PTPRK: variants seen among roughly 807,000 people sequenced by gnomAD.
PTPRK encodes the protein receptor-type tyrosine-protein phosphatase kappa.
PTPRK carries 75 observed loss-of-function variants against 178.0 expected under a neutral mutation model. That is an observed-to-expected ratio of 0.42 (90% CI 0.35 to 0.51). PTPRK has a LOEUF of 0.51. Among genes scored for constraint, PTPRK ranks in the 20% least tolerant of loss-of-function variants. The pLI is 0.02. For synonymous variants in PTPRK, 637 were observed against 620.6 expected (o/e 1.03, Z -0.39); for missense variants, 1,441 against 1,797.8 (o/e 0.80, Z 3.59).
At chr6:128,426,681 T>TG (rs1228747072) in intron 1 of PTPRK, among the ~76,000 whole-genome samples, 1 of 152,240 alleles carries the variant, frequency 6.6e-6, no homozygotes, top group Non-Finnish European at 1.5e-5. Context: ...ACTGAACATC[T>TG]GGTCACTTAT....
chr6:128,093,617 A>C (rs1457001599), intron 7 of PTPRK, among the ~76,000 whole-genome samples: 1 of 148,872 alleles, frequency 6.7e-6, no homozygotes, highest in African/African-American at 2.4e-5. Flanking sequence ...AAAAAAAAAA[A>C]AAAAAACGAA....
At chr6:128,209,962 A>T (rs1472195650) in intron 6 of PTPRK, among the ~76,000 whole-genome samples, 1 of 152,138 alleles carries the variant, frequency 6.6e-6, no homozygotes, top group African/African-American at 2.4e-5. Context: ...TACCGCAAGA[A>T]CAGGAAGCTG....
At chr6:128,322,750 C>T (rs6913849) in intron 2 of PTPRK, among the ~76,000 whole-genome samples, 5,411 of 151,384 alleles carry the variant, frequency 0.036, 340 homozygotes, top group African/African-American at 0.12. Flanking sequence ...CTTTATTTTT[C>T]GCTATCCAGA....
chr6:128,161,521 T>C lies in PTPRK; in HGVS notation c.1162+22911A>G, dbSNP rs939708166. Among the ~76,000 whole-genome samples the C allele has an allele frequency of 5.9e-5, 9 of 151,668 alleles. No individual in the cohort carries two copies. The Admixed American group carries it at 5.9e-4, about 10-fold the overall frequency. On this transcript the variant is annotated intron_variant, in intron 7 of 29. Transcript: ENST00000368226. The stretch of plus-strand genomic sequence containing the variant: ...TCTGACATTCACTGCCTGAAAGTCA[T>C]TCACATTAACAACCATTCAAACTTG...
intron 13 of PTPRK, among the ~76,000 whole-genome samples, chr6:128,009,985 A>G (rs1380641385): frequency 6.6e-6 from 1 of 151,234 alleles, no homozygotes; most frequent in Non-Finnish European, 1.5e-5. Flanking sequence ...TCATACACAC[A>G]ATCAATTAAA....
chr6:128,232,132 C>T (rs1812406756), intron 5 of PTPRK: 1 of 152,228 alleles, frequency 6.6e-6, no homozygotes, highest in South Asian at 2.1e-4. Context: ...TAAGATCCTT[C>T]TCCTTCGGTT....
chr6:128,409,589 T>C (rs535787669), intron 1 of PTPRK, among the ~76,000 whole-genome samples: 20 of 152,208 alleles, frequency 1.3e-4, no homozygotes, highest in Non-Finnish European at 2.8e-4. Flanking sequence ...AGAAATAGCA[T>C]TTTCAATTAG....
chr6:128,506,172 C>T (rs1856308480), intron 1 of PTPRK, among the ~76,000 whole-genome samples: 1 of 152,094 alleles, frequency 6.6e-6, no homozygotes, highest in Non-Finnish European at 1.5e-5. Flanking sequence ...AAAGAGATCC[C>T]TCTTATCTTG....
At chr6:128,336,993 A>G (rs186635793) in intron 2 of PTPRK, among the ~76,000 whole-genome samples, 64 of 152,288 alleles carry the variant, frequency 4.2e-4, no homozygotes, top group Non-Finnish European at 7.9e-4. Flanking sequence ...GCCATGAACC[A>G]CCAGCATGAA....
At chr6:128,166,874 T>C (rs1052051291) in intron 7 of PTPRK, among the ~76,000 whole-genome samples, 4 of 151,776 alleles carry the variant, frequency 2.6e-5, no homozygotes, top group Non-Finnish European at 5.9e-5. Context: ...TATGTAAATA[T>C]GTAAATAAAA....
At chr6:128,247,817 G>C (rs1815757440) in intron 3 of PTPRK, among the ~76,000 whole-genome samples, 1 of 152,072 alleles carries the variant, frequency 6.6e-6, no homozygotes, top group South Asian at 2.1e-4. Flanking sequence ...AAAGACACAT[G>C]TACTAAAATT....
intron 7 of PTPRK, among the ~76,000 whole-genome samples, chr6:128,168,207 C>A (rs1165411641): frequency 6.6e-6 from 1 of 152,026 alleles, no homozygotes; most frequent in Non-Finnish European, 1.5e-5. Context: ...CAATTTAATT[C>A]TTTCTTGCAT....
At chr6:128,115,469 C>T (rs892056640) in intron 7 of PTPRK, among the ~76,000 whole-genome samples, 1 of 151,928 alleles carries the variant, frequency 6.6e-6, no homozygotes, top group Non-Finnish European at 1.5e-5. Flanking sequence ...GACAGGTATA[C>T]AGCCACAAGA....
At chr6:127,979,826 T>A (rs945745457) in intron 25 of PTPRK, among the ~76,000 whole-genome samples, 1 of 152,210 alleles carries the variant, frequency 6.6e-6, no homozygotes, top group Admixed American at 6.5e-5. Context: ...AAGCTAGAAA[T>A]GAAGGCAGTA....
chr6:128,362,558 T>A (rs1834923913), intron 2 of PTPRK, among the ~76,000 whole-genome samples: 1 of 152,218 alleles, frequency 6.6e-6, no homozygotes, highest in South Asian at 2.1e-4. Context: ...CTTAAAGTGA[T>A]TTATAAATGT....
At chr6:128,377,926 C>G (rs1439923229) in intron 2 of PTPRK, among the ~76,000 whole-genome samples, 1 of 152,060 alleles carries the variant, frequency 6.6e-6, no homozygotes, top group Non-Finnish European at 1.5e-5. Flanking sequence ...CATTAGAATT[C>G]TTTCTTTCTT....
intron 11 of PTPRK, among the ~76,000 whole-genome samples, chr6:128,068,643 G>T (rs891969254): frequency 1.3e-5 from 2 of 151,584 alleles, no homozygotes; most frequent in African/African-American, 4.8e-5. Context: ...TCTGAAGCTG[G>T]TATATTAACA....
chr6:128,193,290 A>G lies in PTPRK; in HGVS notation c.869-8565T>C, dbSNP rs998948582. Among the ~76,000 whole-genome samples the G allele has an allele frequency of 5.9e-3, 891 of 150,630 alleles. 45 individuals carry two copies. The highest frequency in any genetic ancestry group is 0.033 in the East Asian group (167 of 5,122). Reference sequence around the variant, plus strand: ...ATTTATCCAGCTTGTGAAAAAAAAAAAAAAAAAAAAAAAAGGCACAGCTAC... The same window carrying G: ...ATTTATCCAGCTTGTGAAAAAAAAAGAAAAAAAAAAAAAAGGCACAGCTAC... On this transcript the variant is annotated intron_variant, in intron 6 of 29. Transcript: ENST00000368226.
intron 5 of PTPRK, among the ~76,000 whole-genome samples, chr6:128,239,512 G>T (rs976280916): frequency 6.6e-6 from 1 of 152,120 alleles, no homozygotes; most frequent in Non-Finnish European, 1.5e-5. Context: ...AAATACAAAT[G>T]TATTAAGGAA....
Sources: allele counts gnomAD v4.1 joint callset (sites outside exome capture counted in the v4.1 genomes callset), GRCh38; gene constraint gnomAD v4.1.1; transcripts MANE v1.5; gene names NCBI Gene and HGNC (gene_info 2026-07-23, HGNC 2026-07-21).